The following TTC7A variants were observed in gnomAD, a reference collection of about 807,000 sequenced individuals.
The protein encoded by TTC7A is tetratricopeptide repeat domain 7A.
Under a neutral mutation model 103.7 loss-of-function variants are expected in TTC7A, and 110 were observed. That is an observed-to-expected ratio of 1.06 (90% confidence interval 0.91 to 1.24). The LOEUF (loss-of-function observed/expected upper bound fraction) is 1.24. TTC7A is among the 50% of genes most tolerant of loss of function. The pLI is 0.00. For synonymous variants in TTC7A, 521 were observed against 467.9 expected (o/e 1.11, Z -1.47); for missense variants, 1,340 against 1,116.3 (o/e 1.20, Z -2.86).
rs1277015250 is a variant in TTC7A, at chr2:47,074,080, G to A, written c.*157G>A. 2 of 616,258 alleles carry A rather than the reference G, an allele frequency of 3.2e-6. No homozygotes were observed. The highest frequency in any genetic ancestry group is 3.7e-5 in the African/African-American group (2 of 54,122). 38.2% of individuals were successfully genotyped at this position (616,258 alleles called of 1,614,324 possible). A position where few individuals can be genotyped will look rare whatever the true frequency, so the allele number is the denominator to read the frequency against. On this transcript the variant is annotated 3_prime_UTR_variant, in exon 20 of 20. Transcript: ENST00000319190. ...GCTGCAGCCCTCGTTCTCTTGGCTGGGCCAAGAGGGCCTTCCTGGATTTCT... is the reference window on the plus strand; with the variant it reads ...GCTGCAGCCCTCGTTCTCTTGGCTGAGCCAAGAGGGCCTTCCTGGATTTCT...
chr2:47,050,155 C>A, intron 17 of TTC7A, 109 bp downstream of exon 17: 1 of 937,044 alleles, frequency 1.1e-6, no homozygotes, highest in South Asian at 1.4e-5. Context: ...CCGGGCCAAG[C>A]CCACCACTGG....
chr2:46,953,239 G>C (rs1292533718), intron 2 of TTC7A, among the ~76,000 whole-genome samples: 2 of 152,112 alleles, frequency 1.3e-5, no homozygotes, highest in African/African-American at 4.8e-5. Context: ...CTGCAGACTG[G>C]ACCTCCTGGG....
chr2:47,064,935 T>A (rs1006570421), intron 19 of TTC7A, among the ~76,000 whole-genome samples: 1 of 152,212 alleles, frequency 6.6e-6, no homozygotes, highest in East Asian at 1.9e-4. Context: ...CAGAACTTTA[T>A]TAACATGTAT....
chr2:47,025,166 G>C (rs2104568554), intron 14 of TTC7A, among the ~76,000 whole-genome samples: 1 of 152,332 alleles, frequency 6.6e-6, no homozygotes, highest in South Asian at 2.1e-4. Context: ...CCGGCGGAGG[G>C]AAGCCCGAAG....
Position 47,074,298 on chromosome 2 carries a change from G to C in TTC7A, c.*375G>C. ...CACTCTCAGCACAGTACAGACTTCT[G>C]GATCTCTCTCAGGTCTTGCCCAGGG... On this transcript the variant is annotated 3_prime_UTR_variant, in exon 20 of 20. Transcript: ENST00000319190. 4.4e-6 allele frequency: 1 copy of C among 228,134 alleles called. No homozygotes were observed. The allele number at this position is 228,134 out of a possible 1,614,324, so 14.1% of individuals were successfully genotyped here.
chr2:46,955,374 A>G (rs1671761060), intron 2 of TTC7A, among the ~76,000 whole-genome samples: 1 of 152,200 alleles, frequency 6.6e-6, no homozygotes, highest in Admixed American at 6.5e-5. Context: ...GAAGACTAGC[A>G]AATCCCCTCA....
At chr2:47,036,567 T>TA (rs1282406661) in intron 15 of TTC7A, among the ~76,000 whole-genome samples, 2 of 152,136 alleles carry the variant, frequency 1.3e-5, no homozygotes, top group Non-Finnish European at 2.9e-5. Flanking sequence ...TAAGGCCTGT[T>TA]AGAGTCCTTT....
At chr2:47,055,620 C>T (rs930451343) in intron 18 of TTC7A, among the ~76,000 whole-genome samples, 1 of 152,164 alleles carries the variant, frequency 6.6e-6, no homozygotes, top group African/African-American at 2.4e-5. Context: ...TGACAGTGGG[C>T]CAGAGCAGGA....
At chr2:46,979,247 T>TG (rs1674193137) in intron 5 of TTC7A, among the ~76,000 whole-genome samples, 1 of 152,078 alleles carries the variant, frequency 6.6e-6, no homozygotes, top group East Asian at 1.9e-4. Context: ...AGCTGGCCAG[T>TG]GGGTCTGGTT....
At chr2:46,998,476 C>G (rs1002794782) in intron 8 of TTC7A, among the ~76,000 whole-genome samples, 3 of 152,162 alleles carry the variant, frequency 2.0e-5, no homozygotes, top group Non-Finnish European at 1.5e-5. Flanking sequence ...GCCCTGATAC[C>G]TCTCAGCTGA....
intron 16 of TTC7A, among the ~76,000 whole-genome samples, 177 bp downstream of exon 16, chr2:47,046,608 C>G (rs766952100): frequency 6.6e-6 from 1 of 152,228 alleles, no homozygotes; most frequent in Non-Finnish European, 1.5e-5. Flanking sequence ...AACCTCCTGA[C>G]AGTCCTCTAT....
intron 5 of TTC7A, among the ~76,000 whole-genome samples, chr2:46,989,502 G>A (rs978052566): frequency 5.9e-5 from 9 of 152,198 alleles, no homozygotes; most frequent in African/African-American, 9.7e-5. Flanking sequence ...GAGAAGCCCC[G>A]TGTGCTTTCT....
chr2:46,996,452 TG>T (rs1676194847), intron 8 of TTC7A, among the ~76,000 whole-genome samples: 1 of 152,264 alleles, frequency 6.6e-6, no homozygotes, highest in Non-Finnish European at 1.5e-5. Context: ...CTTGGATGCC[TG>T]GGACCATGCG....
At chr2:47,021,682 T>C (rs1679297751) in intron 11 of TTC7A, among the ~76,000 whole-genome samples, 180 bp from the exon 12 acceptor site, 1 of 152,228 alleles carries the variant, frequency 6.6e-6, no homozygotes, top group African/African-American at 2.4e-5. Flanking sequence ...GTTCATGCTC[T>C]CAGCAGAACA....
At position 47,065,004 on chromosome 2, in the gene TTC7A, G is replaced by A. The variant is rs577896503; in HGVS notation, c.2355+4033G>A. 4.6e-5 allele frequency among the ~76,000 whole-genome samples: 7 copies of A among 152,310 alleles called. No individual in the cohort carries two copies. In the South Asian group the frequency reaches 1.4e-3, roughly 32 times the overall value. On this transcript the variant is annotated intron_variant, in intron 19 of 19. Transcript: ENST00000319190. ...GAGAAAAGCTTAAAGAAGTAGCTTAGAGGCCCAGCTCAGTGGCTCACGCCT... is the reference window on the plus strand; with the variant it reads ...GAGAAAAGCTTAAAGAAGTAGCTTAAAGGCCCAGCTCAGTGGCTCACGCCT...
intron 2 of TTC7A, among the ~76,000 whole-genome samples, chr2:46,954,870 C>T (rs181068813): frequency 1.1e-4 from 16 of 152,250 alleles, no homozygotes; most frequent in Admixed American, 3.3e-4. Context: ...CGTACCCGGC[C>T]GAGCATTTTT....
chr2:46,999,605 A>C, intron 8 of TTC7A: 1 of 985,478 alleles, frequency 1.0e-6, no homozygotes, highest in African/African-American at 1.7e-5. Context: ...GATGTGGAGG[A>C]AACCCTGGTC....
At chr2:47,051,028 T>G (rs748855461) in intron 17 of TTC7A, among the ~76,000 whole-genome samples, 1 of 152,226 alleles carries the variant, frequency 6.6e-6, no homozygotes, top group Non-Finnish European at 1.5e-5. Context: ...GGAGCCCATG[T>G]CACCCAGAAC....
chr2:47,061,475 C>T (rs901805704), intron 19 of TTC7A, among the ~76,000 whole-genome samples: 1 of 152,186 alleles, frequency 6.6e-6, no homozygotes, highest in Non-Finnish European at 1.5e-5. Flanking sequence ...AGACCTGTCT[C>T]AAGCACACAC....
Sources: allele counts gnomAD v4.1 joint callset (sites outside exome capture counted in the v4.1 genomes callset), GRCh38; gene constraint gnomAD v4.1.1; transcripts MANE v1.5; gene names NCBI Gene and HGNC (gene_info 2026-07-23, HGNC 2026-07-21).